The following TMEM43 variants were observed in gnomAD, a reference collection of about 807,000 sequenced individuals.
TMEM43 encodes transmembrane protein 43.
Under a neutral mutation model 49.6 loss-of-function variants are expected in TMEM43, and 45 were observed. The ratio of observed to expected loss-of-function variants is 0.91; its 90% CI spans 0.71 to 1.16. The LOEUF (loss-of-function observed/expected upper bound fraction) is 1.16. Ranked by LOEUF, TMEM43 falls within the 50% of genes most tolerant of loss-of-function variation. The pLI, the probability that TMEM43 is intolerant of heterozygous loss-of-function variation, is 0.00. For synonymous variants in TMEM43, 199 were observed against 207.8 expected, an observed-to-expected ratio of 0.96 and a Z score of 0.36; for missense variants, 532 against 516.6, an observed-to-expected ratio of 1.03 and a Z score of -0.29.
chr3:14,128,972 C>T (rs1384910918), intron 1 of TMEM43: 2 of 456,268 alleles, frequency 4.4e-6, no homozygotes, highest in Non-Finnish European at 8.8e-6. Flanking sequence ...TGATAAACAC[C>T]ACAACATGAA....
chr3:14,142,071 T>G lies in TMEM43; in HGVS notation c.*276T>G, dbSNP rs1303942828. The G allele has an allele frequency of 2.0e-6, 1 of 506,590 alleles. No homozygotes were observed. Among genetic ancestry groups the G allele is most frequent in the East Asian group, 3.6e-5 (1 of 27,666 alleles). The allele number at this position is 506,590 out of a possible 1,614,324, so 31.4% of individuals were successfully genotyped here. On this transcript the variant is annotated 3_prime_UTR_variant, in exon 12 of 12. Transcript: ENST00000306077. ...AGCTTCTCCTGCTGTTTCCTTCCTCTCTTGGACTGAGTGGGTACGGCCAGC... is the reference window on the plus strand; with the variant it reads ...AGCTTCTCCTGCTGTTTCCTTCCTCGCTTGGACTGAGTGGGTACGGCCAGC...
intron 1 of TMEM43, 122 bp downstream of exon 1, chr3:14,125,327 T>G: frequency 1.7e-6 from 2 of 1,211,580 alleles, no homozygotes; most frequent in Non-Finnish European, 2.4e-6. Context: ...GGCCCGCATC[T>G]CCCTCTGCTC....
intron 6 of TMEM43, among the ~76,000 whole-genome samples, chr3:14,133,198 G>C (rs575962784): frequency 2.0e-5 from 3 of 152,180 alleles, no homozygotes; most frequent in African/African-American, 7.2e-5. Context: ...ACACGGGGCC[G>C]GGGAAGCATT....
intron 1 of TMEM43, among the ~76,000 whole-genome samples, chr3:14,126,914 C>T (rs1056090341): frequency 6.6e-6 from 1 of 152,178 alleles, no homozygotes; most frequent in Admixed American, 6.5e-5. Context: ...ATTCCCCTCT[C>T]CACTTTATAA....
At chr3:14,135,083 A>G (rs1695149781) in intron 8 of TMEM43, 75 bp from the exon 9 acceptor site, 2 of 1,508,596 alleles carry the variant, frequency 1.3e-6, no homozygotes, top group Admixed American at 3.4e-5. Context: ...TGAGGGGCGT[A>G]GCCGAGGCAT....
intron 4 of TMEM43, 22 bp from the exon 5 acceptor site, chr3:14,132,524 G>A (rs956785376): frequency 2.5e-6 from 4 of 1,613,988 alleles, no homozygotes; most frequent in Non-Finnish European, 8.5e-7. Flanking sequence ...TAACCCCCGT[G>A]GCTGCTTTGC....
At chr3:14,133,531 G>A (rs1406945769) in intron 6 of TMEM43, among the ~76,000 whole-genome samples, 1 of 152,180 alleles carries the variant, frequency 6.6e-6, no homozygotes, top group African/African-American at 2.4e-5. Context: ...GAAGCTCCGG[G>A]GAACAGGAGA....
chr3:14,133,848 G>A (rs1431789952), intron 7 of TMEM43, 39 bp downstream of exon 7: 2 of 1,589,212 alleles, frequency 1.3e-6, no homozygotes, highest in Non-Finnish European at 1.7e-6. Flanking sequence ...CGTGCCAGAA[G>A]CACAAGGCCC....
chr3:14,132,819 C>A lies in TMEM43; in HGVS notation c.443-47C>A, dbSNP rs142500068. 7 of 1,583,550 alleles carry A rather than the reference C, an allele frequency of 4.4e-6. No homozygotes were observed. The Admixed American group carries it at 6.7e-5, about 15-fold the overall frequency. On this transcript the variant is annotated intron_variant, in intron 5 of 11. Transcript: ENST00000306077. ...GAGCTGGGCTGGTGGGTCTCAGCCGCGTGCCACTCCTACCCGGGCTCTGAG... is the reference window on the plus strand; with the variant it reads ...GAGCTGGGCTGGTGGGTCTCAGCCGAGTGCCACTCCTACCCGGGCTCTGAG...
At position 14,141,731 on chromosome 3, in the gene TMEM43, C is replaced by A. The variant is rs1170586226; in HGVS notation, c.1139C>A (p.Ala380Asp). The change falls in exon 12 of 12, where the codon GCC becomes GAC. Residue 380 changes from alanine to aspartate, a missense_variant. Ala to Asp is a moderately radical substitution (Grantham distance 126). Coordinates refer to ENST00000306077, the MANE Select transcript of TMEM43 (RefSeq NM_024334.3). ...FYRPLWALLI[A>D]GLALVPILVA... ...CGACCCCTGTGGGCCCTCCTCATTG[C>A]CGGCCTGGCCCTTGTGCCCATCCTT... 3 of 1,614,174 alleles carry A rather than the reference C, an allele frequency of 1.9e-6. No homozygotes were observed. The highest frequency in any genetic ancestry group is 2.5e-6 in the Non-Finnish European group (3 of 1,180,020).
chr3:14,135,157 G>C lies in TMEM43; in HGVS notation c.706-1G>C, dbSNP rs764377071. 6.2e-7 allele frequency: 1 copy of C among 1,611,938 alleles called. No homozygotes were observed. The highest frequency in any genetic ancestry group is 8.5e-7 in the Non-Finnish European group (1 of 1,179,816). On this transcript the variant is annotated splice_acceptor_variant, in intron 8 of 11. Coordinates refer to ENST00000306077, the MANE Select transcript of TMEM43 (RefSeq NM_024334.3). LOFTEE classifies it high-confidence loss of function. Reference sequence around the variant, plus strand: ...TCTCCCTGCTTCTCTTCCACCCCCAGGTGGGAGACTTGCGTGTCTCCTTTT... The same window carrying C: ...TCTCCCTGCTTCTCTTCCACCCCCACGTGGGAGACTTGCGTGTCTCCTTTT...
intron 8 of TMEM43, 88 bp downstream of exon 8, chr3:14,134,979 T>G: frequency 6.3e-7 from 1 of 1,589,856 alleles, no homozygotes; most frequent in Non-Finnish European, 8.6e-7. Context: ...TTCAGTCGCA[T>G]GCACAGCTGC....
At chr3:14,134,534 T>G (rs1227236996) in intron 7 of TMEM43, among the ~76,000 whole-genome samples, 1 of 152,172 alleles carries the variant, frequency 6.6e-6, no homozygotes, top group African/African-American at 2.4e-5. Context: ...CTAAGGCCAC[T>G]CCCAGTGCTG....
In TMEM43 at chr3:14,143,472, GA is replaced by G. The variant is rs1377408309; in HGVS notation, c.*1681del. 6.6e-6 allele frequency: 1 copy of G among 152,206 alleles called. No homozygotes were observed. Among genetic ancestry groups the G allele is most frequent in the Non-Finnish European group, 1.5e-5 (1 of 68,050 alleles). The allele number at this position is 152,206 out of a possible 1,614,324, so 9.4% of individuals were successfully genotyped here. ...TCCAAACTCTTAAAGGATGCTTTCG[GA>G]AAACACGCTGTATACCTAGATGATG... On this transcript the variant is annotated 3_prime_UTR_variant, in exon 12 of 12. Transcript: ENST00000306077.
intron 1 of TMEM43, chr3:14,128,899 T>C (rs939852108): frequency 2.2e-6 from 1 of 454,536 alleles, no homozygotes; most frequent in Non-Finnish European, 4.4e-6. Context: ...TGACGAATGA[T>C]TCAGCACACT....
chr3:14,133,690 G>T, intron 6 of TMEM43, 49 bp from the exon 7 acceptor site: 1 of 1,576,806 alleles, frequency 6.3e-7, no homozygotes. Context: ...AGGGACCCGG[G>T]CAGCTCCCAC....
chr3:14,135,759 G>A (rs761905629), intron 9 of TMEM43, 48 bp from the exon 10 acceptor site: 2 of 1,545,370 alleles, frequency 1.3e-6, no homozygotes, highest in Non-Finnish European at 1.8e-6. Context: ...TCGTGGGCGT[G>A]TCTCCCGCTG....
intron 8 of TMEM43, 55 bp downstream of exon 8, chr3:14,134,946 GTTCC>G (rs1412798104): frequency 6.2e-7 from 1 of 1,610,866 alleles, no homozygotes; most frequent in Non-Finnish European, 8.5e-7. Context: ...CTAGGATCAG[GTTCC>G]TGCGCCAGGC....
At chr3:14,133,609 T>C in intron 6 of TMEM43, 130 bp from the exon 7 acceptor site, 2 of 849,612 alleles carry the variant, frequency 2.4e-6, no homozygotes, top group East Asian at 4.8e-5. Flanking sequence ...ACAAGATGTC[T>C]GCTGCGCCTG....
Sources: gnomAD v4.1 joint callset for allele counts (sites outside exome capture counted in the v4.1 genomes callset) on GRCh38, gnomAD v4.1.1 for gene constraint, MANE v1.5 for transcripts, NCBI Gene and HGNC (gene_info 2026-07-23, HGNC 2026-07-21) for gene names.